Variants in ST13 observed in about 807,000 individuals in gnomAD.
ST13 encodes hsc70-interacting protein.
ST13 carries 23 observed loss-of-function variants against 56.7 expected under a neutral mutation model. The observed-to-expected ratio is 0.41, with a 90% confidence interval of 0.29 to 0.57. The LOEUF (loss-of-function observed/expected upper bound fraction) is 0.57. Among genes scored for constraint, ST13 ranks in the 20% least tolerant of loss-of-function variants. ST13 has a pLI of 0.36. For missense variants in ST13, 369 were observed against 459.9 expected, an observed-to-expected ratio of 0.80 and a Z score of 1.81; for synonymous variants, 132 against 142.4, an observed-to-expected ratio of 0.93 and a Z score of 0.52.
chr22:40,840,334 A>C (rs2057797257), intron 5 of ST13, among the ~76,000 whole-genome samples: 1 of 145,398 alleles, frequency 6.9e-6, no homozygotes, highest in African/African-American at 2.6e-5. Flanking sequence ...TTCTACTACT[A>C]CTTTTTTTTT....
intron 4 of ST13, among the ~76,000 whole-genome samples, chr22:40,842,825 C>G (rs1569002746): frequency 6.6e-6 from 1 of 152,192 alleles, no homozygotes; most frequent in East Asian, 1.9e-4. Context: ...CAAATGGTGA[C>G]AGAAAGTACT....
At position 40,832,267 on chromosome 22, in the gene ST13, A is replaced by G. The variant is rs567259005; in HGVS notation, c.681+302T>C. The G allele has an allele frequency of 3.2e-3, 1,543 of 484,552 alleles. 6 individuals are homozygous for G. Among genetic ancestry groups the G allele is most frequent in the Non-Finnish European group, 4.6e-3 (1,117 of 241,050 alleles). 30.0% of individuals were successfully genotyped at this position (484,552 alleles called of 1,614,324 possible). A position where few individuals can be genotyped will look rare whatever the true frequency, so the allele number is the denominator to read the frequency against. On this transcript the variant is annotated intron_variant, in intron 8 of 11. Coordinates refer to ENST00000216218, the MANE Select transcript of ST13 (RefSeq NM_003932.5). ...TTCAATCCTGGGTAATGCTAATTATAGATTTTCTATTTGTTTCCTTGTTGT... is the reference window on the plus strand; with the variant it reads ...TTCAATCCTGGGTAATGCTAATTATGGATTTTCTATTTGTTTCCTTGTTGT...
At chr22:40,826,706 A>G in intron 11 of ST13, 40 bp from the exon 12 acceptor site, 2 of 1,602,136 alleles carry the variant, frequency 1.2e-6, no homozygotes, top group Non-Finnish European at 1.7e-6. Context: ...AAAGTGTCCT[A>G]CTGGGTCAGT....
chr22:40,844,533 C>T (rs1301953948), intron 4 of ST13, among the ~76,000 whole-genome samples: 1 of 152,096 alleles, frequency 6.6e-6, no homozygotes, highest in Admixed American at 6.5e-5. Context: ...TTCTGTAATA[C>T]AATTTGGCAT....
chr22:40,848,815 C>T (rs2057846219), intron 2 of ST13, among the ~76,000 whole-genome samples: 1 of 152,198 alleles, frequency 6.6e-6, no homozygotes, highest in Admixed American at 6.5e-5. Flanking sequence ...TATAAATAGC[C>T]TCATGTCCAC....
chr22:40,827,375 A>T, intron 10 of ST13, 146 bp from the exon 11 acceptor site: 1 of 728,504 alleles, frequency 1.4e-6, no homozygotes, highest in Non-Finnish European at 2.3e-6. Flanking sequence ...CCAGACTGCA[A>T]CAAGACATAA....
At chr22:40,829,343 GTCTCT>G (rs1471448828) in intron 10 of ST13, among the ~76,000 whole-genome samples, 1 of 152,082 alleles carries the variant, frequency 6.6e-6, no homozygotes, top group Admixed American at 6.6e-5. Context: ...TGCCTTTTCC[GTCTCT>G]TCTATCTCTG....
chr22:40,827,271 A>C (rs1432636031), intron 10 of ST13, 42 bp from the exon 11 acceptor site: 1 of 1,602,120 alleles, frequency 6.2e-7, no homozygotes, highest in Non-Finnish European at 8.5e-7. Flanking sequence ...ACTCCCAAAT[A>C]TTCTGACACA....
chr22:40,829,722 GCTGTCCATGCAAC>G lies in ST13; in HGVS notation c.799-61_799-49del, dbSNP rs546864162. 72 of 1,092,888 alleles carry G rather than the reference GCTGTCCATGCAAC, an allele frequency of 6.6e-5. 1 individual carries two copies. The East Asian group carries it at 1.8e-3, about 27-fold the overall frequency. The allele number at this position is 1,092,888 out of a possible 1,614,324, so 67.7% of individuals were successfully genotyped here. On this transcript the variant is annotated intron_variant, in intron 9 of 11. Transcript: ENST00000216218. ...TTATATAATAGAAGAAGAAATAAGT[GCTGTCCATGCAAC>G]CTGTCCATGCAAGACCATGAAAAAA...
intron 1 of ST13, among the ~76,000 whole-genome samples, chr22:40,851,198 T>G (rs1024630983): frequency 6.6e-6 from 1 of 152,380 alleles, no homozygotes. Flanking sequence ...CAAAATCATT[T>G]GCACAAGCTG....
Position 40,850,895 on chromosome 22 carries a change from G to GA in ST13, c.111-16dup. The GA allele has an allele frequency of 6.3e-7, 1 of 1,575,388 alleles. No homozygotes were observed. Among genetic ancestry groups the GA allele is most frequent in the Non-Finnish European group, 8.6e-7 (1 of 1,163,126 alleles). ...TACCACCCATGCTTGAAGAAGATGA[G>GA]AAAAAAGATATTTGTTTAGAAAATT... On this transcript the variant is annotated splice_polypyrimidine_tract_variant and intron_variant, in intron 1 of 11. Coordinates refer to ENST00000216218, the MANE Select transcript of ST13 (RefSeq NM_003932.5).
At chr22:40,848,726 G>C (rs1601472542) in intron 2 of ST13, among the ~76,000 whole-genome samples, 1 of 152,164 alleles carries the variant, frequency 6.6e-6, no homozygotes, top group South Asian at 2.1e-4. Flanking sequence ...CTGGGCGACA[G>C]AGCAAGACTG....
chr22:40,843,901 T>TA (rs1410311786), intron 4 of ST13, among the ~76,000 whole-genome samples: 1 of 131,208 alleles, frequency 7.6e-6, no homozygotes, highest in African/African-American at 3.0e-5. Flanking sequence ...TTTTTTTTTT[T>TA]AAATAGAGTT....
At position 40,835,862 on chromosome 22, in the gene ST13, T is replaced by A; in HGVS notation, c.408A>T (p.Leu136Phe). ...GATTCAGCTTGATGGCATCTGTGAA[T>A]AAGTCAATGGCTTTCTGGAGTTCAC... The part of the protein sequence containing the change: ...NDGELQKAID[L>F]FTDAIKLNPR... The change falls in exon 6 of 12, where the codon TTA becomes TTT. Residue 136 changes from leucine (L) to phenylalanine (F), a missense_variant. Physicochemically the swap from Leu to Phe is conservative, Grantham distance 22. Around this residue, in one of 3 missense-constraint regions of ST13, gnomAD observed 169 missense variants for 175.6 expected, o/e 0.96. Coordinates refer to ENST00000216218, the MANE Select transcript of ST13 (RefSeq NM_003932.5). 1.2e-6 allele frequency: 2 copies of A among 1,613,154 alleles called. No homozygotes were observed. The highest frequency in any genetic ancestry group is 1.7e-6 in the Non-Finnish European group (2 of 1,179,992).
At chr22:40,834,555 A>G (rs2057768747) in intron 7 of ST13, among the ~76,000 whole-genome samples, 1 of 152,204 alleles carries the variant, frequency 6.6e-6, no homozygotes, top group Admixed American at 6.5e-5. Flanking sequence ...TAAATTCATG[A>G]TTTTTAAAAT....
intron 3 of ST13, 119 bp from the exon 4 acceptor site, chr22:40,845,028 C>A: frequency 1.5e-6 from 1 of 668,888 alleles, no homozygotes. Flanking sequence ...AGTATTGATG[C>A]ATTTTAAAAT....
At position 40,856,619 on chromosome 22, in the gene ST13, G is replaced by A. The variant is rs568509207; in HGVS notation, c.-79C>T. On this transcript the variant is annotated 5_prime_UTR_variant, in exon 1 of 12. Coordinates refer to ENST00000216218, the MANE Select transcript of ST13 (RefSeq NM_003932.5). ...GGCGCTGGCTCGGCGTGACCGCGCA[G>A]AAGGGGGCGGCTGCCGCAAGACAGA... The A allele has an allele frequency of 2.3e-4, 263 of 1,143,490 alleles. No homozygotes were observed. The highest frequency in any genetic ancestry group is 2.1e-3 in the African/African-American group (139 of 65,910). 70.8% of individuals were successfully genotyped at this position (1,143,490 alleles called of 1,614,324 possible).
chr22:40,841,150 C>A (rs1601467407), intron 4 of ST13, among the ~76,000 whole-genome samples: 1 of 125,378 alleles, frequency 8.0e-6, no homozygotes, highest in African/African-American at 3.1e-5. Context: ...TAGTTAAGAA[C>A]AAAAACATGT....
chr22:40,835,688 T>A lies in ST13; in HGVS notation c.468-18A>T, dbSNP rs751303737. On this transcript the variant is annotated intron_variant, in intron 6 of 11. Coordinates refer to ENST00000216218, the MANE Select transcript of ST13 (RefSeq NM_003932.5). ...CGAAGACACTGAAAAATAAGTGTGT[T>A]ATTAAAAAGTATTCATTTCAGTAAA... 1 of 1,607,466 alleles carries A rather than the reference T, an allele frequency of 6.2e-7. No individual in the cohort carries two copies. The highest frequency in any genetic ancestry group is 2.2e-5 in the East Asian group (1 of 44,846).
Sources: gnomAD v4.1 joint callset for allele counts (sites outside exome capture counted in the v4.1 genomes callset) on GRCh38, gnomAD v4.1.1 for gene constraint, gnomAD v4.1.1 regional missense constraint, MANE v1.5 for transcripts, NCBI Gene and HGNC (gene_info 2026-07-23, HGNC 2026-07-21) for gene names.